The following OOEP variants were observed in gnomAD, a reference collection of about 807,000 sequenced individuals.
OOEP encodes oocyte expressed protein, also known as oocyte-expressed protein homolog.
OOEP carries 16 observed loss-of-function variants against 13.7 expected under a neutral mutation model. That is an observed-to-expected ratio of 1.16 (90% CI 0.79 to 1.77). OOEP has a LOEUF of 1.77. Ranked by LOEUF, OOEP falls within the 40% of genes most tolerant of loss-of-function variation. The pLI is 0.00. For synonymous variants in OOEP, 89 were observed against 77.1 expected (o/e 1.15, Z -0.81); for missense variants, 195 against 193.1 (o/e 1.01, Z -0.06).
intron 2 of OOEP, among the ~76,000 whole-genome samples, chr6:73,381,205 TAAAAAAAAAAAAA>T (rs66507015): frequency 7.9e-5 from 8 of 100,972 alleles, no homozygotes; most frequent in East Asian, 2.9e-4. Flanking sequence ...AAAAAAGTGT[TAAAAAAAAAAAAA>T]AAAAAAAAAA....
intron 2 of OOEP, among the ~76,000 whole-genome samples, chr6:73,375,179 G>A (rs1478437723): frequency 1.3e-5 from 2 of 152,098 alleles, no homozygotes; most frequent in Non-Finnish European, 2.9e-5. Flanking sequence ...GAGTAGCTTT[G>A]GTTGTATTTA....
chr6:73,373,746 C>T (rs1397725982), upstream of OOEP, among the ~76,000 whole-genome samples: 2 of 151,886 alleles, frequency 1.3e-5, no homozygotes, highest in Admixed American at 6.6e-5. Flanking sequence ...TGCACCACCA[C>T]ACCCAGCTAA....
At chr6:73,379,692 T>C (rs1769177058) in intron 2 of OOEP, among the ~76,000 whole-genome samples, 1 of 150,886 alleles carries the variant, frequency 6.6e-6, no homozygotes, top group African/African-American at 2.4e-5. Flanking sequence ...TGTAAATCTG[T>C]TTAATGTCTG....
intron 2 of OOEP, among the ~76,000 whole-genome samples, chr6:73,386,294 A>G (rs1003167335): frequency 2.0e-5 from 3 of 151,718 alleles, no homozygotes; most frequent in African/African-American, 4.8e-5. Flanking sequence ...GGGTTTCTCC[A>G]TGTTGATCAG....
chr6:73,381,205 T>TAAAAAAAAAAAAAAAAAAA (rs66507015), intron 2 of OOEP, among the ~76,000 whole-genome samples: 4 of 100,998 alleles, frequency 4.0e-5, no homozygotes, highest in Non-Finnish European at 5.6e-5. Context: ...AAAAAAGTGT[T>TAAAAAAAAAAAAAAAAAAA]AAAAAAAAAA....
intron 2 of OOEP, chr6:73,390,945 A>G (rs907963459): frequency 1.6e-4 from 24 of 152,044 alleles, no homozygotes; most frequent in Admixed American, 8.5e-4. Context: ...TAAAATACAG[A>G]ACTAAAAATA....
chr6:73,381,208 A>T (rs1769204936), intron 2 of OOEP, among the ~76,000 whole-genome samples: 2 of 12,440 alleles, frequency 1.6e-4, no homozygotes, highest in South Asian at 2.7e-3. Flanking sequence ...AAAGTGTTAA[A>T]AAAAAAAAAA....
In OOEP at chr6:73,368,664, C is replaced by T; in HGVS notation, c.*120G>A. On this transcript the variant is annotated 3_prime_UTR_variant, in exon 3 of 3. Transcript: ENST00000370359. The stretch of plus-strand genomic sequence containing the variant: ...CTCACTCTTGCAACAAAATAAACCA[C>T]AATCCATCAAGACACAGGAAAAAGG... 2.9e-6 allele frequency: 2 copies of T among 678,166 alleles called. No individual in the cohort carries two copies. Among genetic ancestry groups the T allele is most frequent in the East Asian group, 2.7e-5 (1 of 36,790 alleles). The allele number at this position is 678,166 out of a possible 1,614,324, so 42.0% of individuals were successfully genotyped here. A position where few individuals can be genotyped will look rare whatever the true frequency, so the allele number is the denominator to read the frequency against.
chr6:73,379,871 A>T (rs923821051), intron 2 of OOEP, among the ~76,000 whole-genome samples: 1 of 152,134 alleles, frequency 6.6e-6, no homozygotes, highest in Non-Finnish European at 1.5e-5. Flanking sequence ...TACAGGCATC[A>T]GCCACCATGC....
chr6:73,373,156 C>T (rs1769086528), upstream of OOEP: 1 of 1,611,040 alleles, frequency 6.2e-7, no homozygotes, highest in African/African-American at 1.3e-5. Flanking sequence ...TGGAGTTGTA[C>T]CTGATTTTAT....
At chr6:73,394,893 C>A (rs377084291) in exon 1 of OOEP, 2 of 1,613,480 alleles carry the variant, frequency 1.2e-6, no homozygotes, top group South Asian at 1.1e-5. Context: ...CGGACGCGCC[C>A]CTTCTTGGAA....
At chr6:73,393,115 A>AATT (rs1562281146) in intron 2 of OOEP, among the ~76,000 whole-genome samples, 2 of 140,150 alleles carry the variant, frequency 1.4e-5, no homozygotes, top group African/African-American at 5.1e-5. Context: ...AAAAAAAAAA[A>AATT]TTTTTTTTTT....
chr6:73,378,349 C>G (rs1769159586), intron 2 of OOEP, among the ~76,000 whole-genome samples: 1 of 151,964 alleles, frequency 6.6e-6, no homozygotes. Flanking sequence ...GAGCAATCCA[C>G]CCACCTCAGC....
At chr6:73,395,139 T>G (rs751816531), upstream of OOEP, 1 of 1,613,224 alleles carries the variant, frequency 6.2e-7, no homozygotes, top group Admixed American at 1.7e-5. Context: ...AGAGCCACTT[T>G]GTTGGCGCGG....
At chr6:73,390,411 C>T (rs1024995494) in intron 2 of OOEP, among the ~76,000 whole-genome samples, 2 of 152,078 alleles carry the variant, frequency 1.3e-5, no homozygotes, top group Admixed American at 6.6e-5. Flanking sequence ...AAATTCTTTA[C>T]GTAAAATGGC....
In OOEP at chr6:73,369,627, C is replaced by T; in HGVS notation, c.166G>A (p.Ala56Thr). Residue 56 changes from alanine to threonine, a missense_variant, in exon 1 of 3, where the codon GCA (alanine) becomes ACA (threonine). Ala to Thr is a moderately conservative substitution (Grantham distance 58). Coordinates refer to ENST00000370359, the MANE Select transcript of OOEP (RefSeq NM_001080507.3). ...LRDPLVFYLE[A>T]WLADELFGPD... ...CCAAAGAGCTCGTCTGCCAGCCATG[C>T]CTCTAGGTAGAACACCAAAGGGTCT... 6.2e-7 allele frequency: 1 copy of T among 1,613,976 alleles called. No homozygotes were observed. Among genetic ancestry groups the T allele is most frequent in the Non-Finnish European group, 8.5e-7 (1 of 1,179,874 alleles).
At chr6:73,386,435 CA>C (rs139643927) in intron 2 of OOEP, among the ~76,000 whole-genome samples, 1 of 151,658 alleles carries the variant, frequency 6.6e-6, no homozygotes, top group Non-Finnish European at 1.5e-5. Flanking sequence ...AGGAATCCAC[CA>C]AAAAATAAAC....
intron 2 of OOEP, among the ~76,000 whole-genome samples, chr6:73,378,870 G>GAA (rs749160038): frequency 2.3e-5 from 3 of 132,148 alleles, no homozygotes; most frequent in African/African-American, 2.8e-5. Flanking sequence ...ACTGTCTCCA[G>GAA]AAAAAAAAAA....
At chr6:73,390,599 G>A (rs1045432014) in intron 2 of OOEP, among the ~76,000 whole-genome samples, 1 of 43,266 alleles carries the variant, frequency 2.3e-5, no homozygotes, top group Non-Finnish European at 4.6e-5. Context: ...TTTTTTTTTT[G>A]AGACGGAGTT....
Sources: gnomAD v4.1 joint callset for allele counts (sites outside exome capture counted in the v4.1 genomes callset) on GRCh38, gnomAD v4.1.1 for gene constraint, MANE v1.5 for transcripts, NCBI Gene and HGNC (gene_info 2026-07-23, HGNC 2026-07-21) for gene names.